The following DPY19L4 variants were observed in gnomAD, a reference collection of about 807,000 sequenced individuals.
The protein encoded by DPY19L4 is dpy-19 like 4, also known as probable C-mannosyltransferase DPY19L4.
A neutral mutation model predicts 102.8 loss-of-function variants in DPY19L4; 97 were observed. The ratio of observed to expected loss-of-function variants is 0.94; its 90% CI spans 0.80 to 1.12. DPY19L4 has a LOEUF of 1.12. Among genes scored for constraint, DPY19L4 ranks in the 50% most tolerant of loss-of-function variants. The pLI, the probability that DPY19L4 is intolerant of heterozygous loss-of-function variation, is 0.00. For missense variants in DPY19L4, 815 were observed against 850.4 expected, an observed-to-expected ratio of 0.96 and a Z score of 0.52; for synonymous variants, 252 against 283.1, an observed-to-expected ratio of 0.89 and a Z score of 1.10.
chr8:94,734,777 A>G, intron 3 of DPY19L4, 23 bp downstream of exon 3: 3 of 1,612,596 alleles, frequency 1.9e-6, no homozygotes, highest in Non-Finnish European at 2.5e-6. Flanking sequence ...AATTTTGAGC[A>G]TATGAAAGTT....
At chr8:94,720,236 G>C in intron 1 of DPY19L4, 1 of 985,420 alleles carries the variant, frequency 1.0e-6, no homozygotes, top group Non-Finnish European at 1.2e-6. Flanking sequence ...GGGAAGCAAA[G>C]GTGGAGCTGA....
chr8:94,748,226 T>C (rs1586350446), intron 6 of DPY19L4, among the ~76,000 whole-genome samples: 1 of 152,176 alleles, frequency 6.6e-6, no homozygotes, highest in Non-Finnish European at 1.5e-5. Flanking sequence ...CAGCAGACAC[T>C]GGAGAAGGAT....
In DPY19L4 at chr8:94,719,968, G is replaced by A; in HGVS notation, c.-31G>A. On this transcript the variant is annotated 5_prime_UTR_variant, in exon 1 of 19. Coordinates refer to ENST00000414645, the MANE Select transcript of DPY19L4 (RefSeq NM_181787.3). ...GAGGGAGAGTCTGGGCCGCGCGGGA[G>A]CCGCAGGGCGCCCTAGCCTTCGCAG... 3 of 1,508,962 alleles carry A rather than the reference G, an allele frequency of 2.0e-6. No individual in the cohort carries two copies. The highest frequency in any genetic ancestry group is 2.7e-6 in the Non-Finnish European group (3 of 1,129,166). The allele number at this position is 1,508,962 out of a possible 1,614,324, so 93.5% of individuals were successfully genotyped here.
chr8:94,720,487 G>A (rs1361248727), intron 1 of DPY19L4, among the ~76,000 whole-genome samples: 2 of 152,200 alleles, frequency 1.3e-5, no homozygotes, highest in African/African-American at 4.8e-5. Flanking sequence ...TGGGATAAAC[G>A]TGGCAAGATT....
chr8:94,742,702 G>A (rs1811500365), intron 6 of DPY19L4, among the ~76,000 whole-genome samples: 1 of 151,824 alleles, frequency 6.6e-6, no homozygotes, highest in South Asian at 2.1e-4. Context: ...GGGATTACAG[G>A]CACATGCCAC....
In DPY19L4 at chr8:94,756,103, T is replaced by G. The variant is rs1362965157; in HGVS notation, c.679T>G (p.Cys227Gly). 4 of 1,613,788 alleles carry G rather than the reference T, an allele frequency of 2.5e-6. No individual in the cohort carries two copies. The highest frequency in any genetic ancestry group is 2.2e-5 in the East Asian group (1 of 44,854). Residue 227 changes from cysteine (C) to glycine (G), a missense_variant, in exon 7 of 19, where the codon TGC (cysteine) becomes GGC (glycine). Transcript: ENST00000414645. ...RENWALPYFA[C>G]QIAALTGYLK... The stretch of plus-strand genomic sequence containing the variant: ...AAACTGGGCACTACCATATTTTGCA[T>G]GCCAAATTGCTGCACTTACAGGCTA...
Position 94,738,479 on chromosome 8 carries a change from A to T in DPY19L4, c.343+20A>T. On this transcript the variant is annotated intron_variant, in intron 4 of 18. Coordinates refer to ENST00000414645, the MANE Select transcript of DPY19L4 (RefSeq NM_181787.3). ...AAAGAGGTATGATAATCACAGTTAT[A>T]TTTTTAATAACAGTATTTTCCTTTT... The T allele has an allele frequency of 7.3e-7, 1 of 1,364,976 alleles. No homozygotes were observed. Among genetic ancestry groups the T allele is most frequent in the Non-Finnish European group, 9.9e-7 (1 of 1,005,864 alleles). 84.6% of individuals were successfully genotyped at this position (1,364,976 alleles called of 1,614,324 possible).
intron 13 of DPY19L4, among the ~76,000 whole-genome samples, chr8:94,776,026 C>CTTTTTTTT (rs1165180641): frequency 1.5e-3 from 123 of 81,522 alleles, no homozygotes; most frequent in East Asian, 2.9e-3. Context: ...ATTTTTAAAT[C>CTTTTTTTT]TTTTTTTTTT....
chr8:94,767,582 T>G (rs764885075), intron 11 of DPY19L4, among the ~76,000 whole-genome samples: 25 of 152,128 alleles, frequency 1.6e-4, no homozygotes, highest in Non-Finnish European at 2.9e-4. Context: ...GTGAGCCACC[T>G]TGCCTGGCTC....
chr8:94,777,417 A>G (rs890923140), intron 13 of DPY19L4, among the ~76,000 whole-genome samples: 2 of 152,200 alleles, frequency 1.3e-5, no homozygotes, highest in African/African-American at 4.8e-5. Context: ...CTCTCCAAGA[A>G]TACAATTTTC....
chr8:94,756,024 G>A lies in DPY19L4; in HGVS notation c.612-12G>A, dbSNP rs1313197793. ...TGTCTTATTTTTACTGTTCATCTGT[G>A]GTTTATTTTAGGGTAGATACAACAA... On this transcript the variant is annotated splice_polypyrimidine_tract_variant and intron_variant, in intron 6 of 18. Transcript: ENST00000414645. The A allele has an allele frequency of 1.2e-6, 2 of 1,605,016 alleles. No individual in the cohort carries two copies. The highest frequency in any genetic ancestry group is 3.4e-5 in the Admixed American group (2 of 58,426).
intron 6 of DPY19L4, among the ~76,000 whole-genome samples, chr8:94,743,474 C>G (rs1811534221): frequency 6.8e-6 from 1 of 146,424 alleles, no homozygotes; most frequent in Non-Finnish European, 1.5e-5. Context: ...CTCATCATCT[C>G]TACTTAAAAA....
At chr8:94,773,469 T>TATACAATTCAG (rs1563609773) in intron 13 of DPY19L4, among the ~76,000 whole-genome samples, 1 of 152,100 alleles carries the variant, frequency 6.6e-6, no homozygotes, top group Admixed American at 6.6e-5. Context: ...AGAGTCTTTG[T>TATACAATTCAG]CGCCCAGGCT....
chr8:94,751,994 T>C (rs1811953481), intron 6 of DPY19L4, among the ~76,000 whole-genome samples: 1 of 152,168 alleles, frequency 6.6e-6, no homozygotes, highest in Non-Finnish European at 1.5e-5. Context: ...TCATAGTGCA[T>C]TTATTCAGAT....
At chr8:94,784,919 G>A (rs1813593195) in intron 17 of DPY19L4, among the ~76,000 whole-genome samples, 1 of 152,192 alleles carries the variant, frequency 6.6e-6, no homozygotes, top group South Asian at 2.1e-4. Context: ...TATTTTGAAT[G>A]TTTGGTATGA....
At chr8:94,766,790 C>A in intron 11 of DPY19L4, 105 bp downstream of exon 11, 1 of 1,062,154 alleles carries the variant, frequency 9.4e-7, no homozygotes, top group South Asian at 1.6e-5. Flanking sequence ...GTAATCCCAG[C>A]ACTTTAGGAG....
chr8:94,763,687 AT>A (rs35412690), intron 8 of DPY19L4, among the ~76,000 whole-genome samples: 4,322 of 144,248 alleles, frequency 0.03, 187 homozygotes, highest in African/African-American at 0.098. Flanking sequence ...CACCGGGCTC[AT>A]TTTTTTTTTT....
chr8:94,733,385 A>G lies in DPY19L4; in HGVS notation c.128-1245A>G, dbSNP rs991396486. ...TGTGATCCTCCCGCCTTGGCCTGCC[A>G]AAGTTCTGGGATTACAGGTGTGAGC... On this transcript the variant is annotated intron_variant, in intron 2 of 18. Coordinates refer to ENST00000414645, the MANE Select transcript of DPY19L4 (RefSeq NM_181787.3). Among the ~76,000 whole-genome samples, 53 of 152,170 alleles carry G rather than the reference A, an allele frequency of 3.5e-4. 1 individual carries two copies. The highest frequency in any genetic ancestry group is 1.3e-3 in the African/African-American group (53 of 41,524).
In DPY19L4 at chr8:94,738,375, G is replaced by A; in HGVS notation, c.259G>A (p.Glu87Lys). 1 of 1,512,072 alleles carries A rather than the reference G, an allele frequency of 6.6e-7. No homozygotes were observed. Among genetic ancestry groups the A allele is most frequent in the Non-Finnish European group, 8.8e-7 (1 of 1,130,902 alleles). The allele number at this position is 1,512,072 out of a possible 1,614,324, so 93.7% of individuals were successfully genotyped here. ...TAATTTCATTTTCTTTTAGGAGCTT[G>A]AACGGGAAATCACGTTTCAGGGTGA... is the stretch of plus-strand genomic sequence containing the variant. ...KFWFSNRQEL[E>K]REITFQGDSA... Residue 87 changes from glutamate to lysine, a missense_variant, in exon 4 of 19, where the codon GAA becomes AAA. Physicochemically the swap from Glu to Lys is moderately conservative, Grantham distance 56. Coordinates refer to ENST00000414645, the MANE Select transcript of DPY19L4 (RefSeq NM_181787.3).
Sources: gnomAD v4.1 joint callset for allele counts (sites outside exome capture counted in the v4.1 genomes callset) on GRCh38, gnomAD v4.1.1 for gene constraint, MANE v1.5 for transcripts, NCBI Gene and HGNC (gene_info 2026-07-23, HGNC 2026-07-21) for gene names.